ZNF397: variants seen among roughly 807,000 people sequenced by gnomAD.
ZNF397 encodes the protein zinc finger protein 397, also known as zinc finger and SCAN domain-containing protein 15.
ZNF397 carries 38 observed loss-of-function variants against 50.6 expected under a neutral mutation model. The observed-to-expected ratio is 0.75, with a 90% CI of 0.58 to 0.98. ZNF397 has a LOEUF of 0.98. Ranked by LOEUF, ZNF397 falls within the 50% of genes least tolerant of loss-of-function variation. The probability of loss-of-function intolerance (pLI) is 0.00; values close to 1 mark genes in which losing one functional copy is unlikely to be tolerated. For missense variants in ZNF397, 624 were observed against 624.1 expected, an observed-to-expected ratio of 1.00 and a Z score of 0.00; for synonymous variants, 228 against 215.2, an observed-to-expected ratio of 1.06 and a Z score of -0.52.
At position 35,246,359 on chromosome 18, in the gene ZNF397, T is replaced by A. The variant is rs762419577; in HGVS notation, c.*49T>A. On this transcript the variant is annotated 3_prime_UTR_variant, in exon 4 of 4. Transcript: ENST00000330501. ...AAATACTTCAGTCAGATTTTTAAGT[T>A]TGTTAGTCAAAAGAGTTTACTTTGG... 5 of 1,471,968 alleles carry A rather than the reference T, an allele frequency of 3.4e-6. No homozygotes were observed. The highest frequency in any genetic ancestry group is 4.5e-6 in the Non-Finnish European group (5 of 1,112,854). The allele number at this position is 1,471,968 out of a possible 1,614,324, so 91.2% of individuals were successfully genotyped here. A position where few individuals can be genotyped will look rare whatever the true frequency, so the allele number is the denominator to read the frequency against.
chr18:35,242,095 A>G (rs1409471395), intron 1 of ZNF397, among the ~76,000 whole-genome samples: 1 of 152,250 alleles, frequency 6.6e-6, no homozygotes, highest in Admixed American at 6.5e-5. Flanking sequence ...TGATACAATC[A>G]GAATTGAAAG....
downstream of ZNF397, chr18:35,251,370 T>C (rs528166153): frequency 2.6e-5 from 4 of 152,246 alleles, no homozygotes; most frequent in African/African-American, 9.6e-5. Flanking sequence ...TTGTCACCTA[T>C]AGGAAAAGGC....
At position 35,247,387 on chromosome 18, in the gene ZNF397, T is replaced by C. The variant is rs1461892683; in HGVS notation, c.*1077T>C. ...TGAGGGTGAGAAAGAGCCCAGCCTA[T>C]ACCTCAAGAGTCTGCTAGAGTGTTA... On this transcript the variant is annotated 3_prime_UTR_variant, in exon 4 of 4. Coordinates refer to ENST00000330501, the MANE Select transcript of ZNF397 (RefSeq NM_001135178.3). The C allele has an allele frequency of 6.5e-6, 1 of 153,192 alleles. No individual in the cohort carries two copies. The highest frequency in any genetic ancestry group is 1.5e-5 in the Non-Finnish European group (1 of 68,948). The allele number at this position is 153,192 out of a possible 1,614,324, so 9.5% of individuals were successfully genotyped here. A position where few individuals can be genotyped will look rare whatever the true frequency, so the allele number is the denominator to read the frequency against.
chr18:35,242,935 T>C (rs553602280), intron 2 of ZNF397, 51 bp downstream of exon 2: 1 of 1,553,136 alleles, frequency 6.4e-7, no homozygotes, highest in East Asian at 2.2e-5. Context: ...GCCTGGAGCA[T>C]GTAATGGTAT....
chr18:35,246,415 A>G lies in ZNF397; in HGVS notation c.*105A>G. ...AACTCCATAAAGGTTATAAAATACT[A>G]GGTCTTGAGTCTAGCTTGCTTTGTG... On this transcript the variant is annotated 3_prime_UTR_variant, in exon 4 of 4. Coordinates refer to ENST00000330501, the MANE Select transcript of ZNF397 (RefSeq NM_001135178.3). The G allele has an allele frequency of 1.4e-6, 2 of 1,456,602 alleles. No individual in the cohort carries two copies. Among genetic ancestry groups the G allele is most frequent in the Admixed American group, 2.9e-5 (1 of 34,798 alleles). The allele number at this position is 1,456,602 out of a possible 1,614,324, so 90.2% of individuals were successfully genotyped here.
intron 5 of ZNF397, chr18:35,255,035 T>G (rs547204324): frequency 6.5e-6 from 1 of 153,744 alleles, no homozygotes; most frequent in African/African-American, 2.4e-5. Context: ...TAAAAAAAAT[T>G]TTGCACTTAA....
intron 5 of ZNF397, among the ~76,000 whole-genome samples, chr18:35,256,480 GA>G (rs1157865819): frequency 1.3e-5 from 2 of 151,896 alleles, no homozygotes; most frequent in African/African-American, 4.8e-5. Flanking sequence ...AGAATCACTT[GA>G]ACCAGGGACG....
chr18:35,246,275 C>CA lies in ZNF397; in HGVS notation c.1570_1571insA (p.Leu524HisfsTer19). On this transcript the variant is annotated frameshift_variant, in exon 4 of 4. Transcript: ENST00000330501. LOFTEE classifies it high-confidence loss of function. ...GAAGGCTTTCAGGCACAGATCGGTC[C>CA]TTATGCGCCATCAAAGAGTCCACAC... 1.9e-6 allele frequency: 3 copies of CA among 1,550,802 alleles called. No homozygotes were observed. Among genetic ancestry groups the CA allele is most frequent in the Non-Finnish European group, 2.6e-6 (3 of 1,146,638 alleles).
downstream of ZNF397, chr18:35,254,647 C>A: frequency 3.7e-6 from 2 of 543,572 alleles, no homozygotes; most frequent in Non-Finnish European, 6.4e-6. Context: ...GGAATGGTGA[C>A]AAACAGGAAT....
At chr18:35,251,944 G>A (rs2043612802), downstream of ZNF397, 1 of 152,020 alleles carries the variant, frequency 6.6e-6, no homozygotes, top group Admixed American at 6.5e-5. Context: ...TTTCTTTTAG[G>A]TATTAATTGC....
At chr18:35,255,673 C>T (rs889283854) in intron 5 of ZNF397, 1 of 154,304 alleles carries the variant, frequency 6.5e-6, no homozygotes. Context: ...GTTCACAACA[C>T]TTCAAACACA....
downstream of ZNF397, chr18:35,253,884 G>C: frequency 1.2e-6 from 2 of 1,614,116 alleles, no homozygotes; most frequent in South Asian, 2.2e-5. Context: ...TCACCACTAT[G>C]AATTCTCTGA....
In ZNF397 at chr18:35,246,405, A is replaced by T; in HGVS notation, c.*95A>T. The stretch of plus-strand genomic sequence containing the variant: ...TTTGGAGCAAAACTCCATAAAGGTT[A>T]TAAAATACTAGGTCTTGAGTCTAGC... On this transcript the variant is annotated 3_prime_UTR_variant, in exon 4 of 4. Coordinates refer to ENST00000330501, the MANE Select transcript of ZNF397 (RefSeq NM_001135178.3). 4.8e-6 allele frequency: 7 copies of T among 1,458,264 alleles called. No homozygotes were observed. Among genetic ancestry groups the T allele is most frequent in the Non-Finnish European group, 6.3e-6 (7 of 1,106,894 alleles). The allele number at this position is 1,458,264 out of a possible 1,614,324, so 90.3% of individuals were successfully genotyped here. A position where few individuals can be genotyped will look rare whatever the true frequency, so the allele number is the denominator to read the frequency against.
intron 1 of ZNF397, 145 bp from the exon 2 acceptor site, chr18:35,242,246 G>A (rs949235530): frequency 7.2e-6 from 3 of 419,140 alleles, no homozygotes; most frequent in Non-Finnish European, 8.4e-6. Context: ...ATGATTTTTA[G>A]TTTATCATCA....
downstream of ZNF397, chr18:35,252,925 C>G (rs2043648868): frequency 6.5e-6 from 1 of 152,914 alleles, no homozygotes; most frequent in African/African-American, 2.4e-5. Flanking sequence ...AGGCACCATT[C>G]CTCAGGTACT....
downstream of ZNF397, chr18:35,254,769 A>C (rs2043737068): frequency 3.3e-6 from 1 of 304,794 alleles, no homozygotes; most frequent in Admixed American, 4.7e-5. Context: ...GGATAAAGAA[A>C]GATATCTAAG....
chr18:35,245,125 T>C (rs566347772), intron 3 of ZNF397, 137 bp from the exon 4 acceptor site: 2 of 1,141,336 alleles, frequency 1.8e-6, no homozygotes, highest in South Asian at 3.7e-5. Flanking sequence ...GAGACCCTCT[T>C]TTGGCCAGTT....
At position 35,246,392 on chromosome 18, in the gene ZNF397, C is replaced by T; in HGVS notation, c.*82C>T. On this transcript the variant is annotated 3_prime_UTR_variant, in exon 4 of 4. Coordinates refer to ENST00000330501, the MANE Select transcript of ZNF397 (RefSeq NM_001135178.3). ...CAAAAGAGTTTACTTTGGAGCAAAACTCCATAAAGGTTATAAAATACTAGG... is the reference window on the plus strand; with the variant it reads ...CAAAAGAGTTTACTTTGGAGCAAAATTCCATAAAGGTTATAAAATACTAGG... 1.4e-6 allele frequency: 2 copies of T among 1,462,782 alleles called. No homozygotes were observed. The highest frequency in any genetic ancestry group is 1.8e-6 in the Non-Finnish European group (2 of 1,108,914). The allele number at this position is 1,462,782 out of a possible 1,614,324, so 90.6% of individuals were successfully genotyped here.
chr18:35,254,411 C>A, downstream of ZNF397: 1 of 1,613,704 alleles, frequency 6.2e-7, no homozygotes, highest in South Asian at 1.1e-5. Context: ...GTGTAAGTAT[C>A]ATTTACTTCC....
Sources: gnomAD v4.1 joint callset for allele counts (sites outside exome capture counted in the v4.1 genomes callset) on GRCh38, gnomAD v4.1.1 for gene constraint, MANE v1.5 for transcripts, NCBI Gene and HGNC (gene_info 2026-07-23, HGNC 2026-07-21) for gene names.